The following ETNK1 variants were observed in gnomAD, a reference collection of about 807,000 sequenced individuals.
ETNK1 encodes putative protein product of Nbla10396.
A neutral mutation model predicts 45.1 loss-of-function variants in ETNK1; 8 were observed. The observed-to-expected ratio is 0.18, with a 90% confidence interval of 0.10 to 0.32. The LOEUF (loss-of-function observed/expected upper bound fraction) is 0.32, where lower values mean the gene tolerates loss of function less well. Ranked by LOEUF, ETNK1 falls within the 10% of genes least tolerant of loss-of-function variation. The pLI is 1.00. For missense variants in ETNK1, 302 were observed against 430.6 expected (o/e 0.70, Z 2.64); for synonymous variants, 152 against 151.9 (o/e 1.00, Z -0.01).
intron 4 of ETNK1, 38 bp downstream of exon 4, chr12:22,661,243 C>A (rs1190603661): frequency 7.2e-6 from 11 of 1,535,054 alleles, no homozygotes; most frequent in Admixed American, 2.2e-5. Context: ...AAATTGATTT[C>A]TTTTATGTTC....
intron 2 of ETNK1, 59 bp from the exon 3 acceptor site, chr12:22,658,955 G>A (rs952986035): frequency 2.0e-6 from 3 of 1,524,814 alleles, no homozygotes; most frequent in East Asian, 2.3e-5. Context: ...ATCTTTGTCA[G>A]GAGACATGAC....
chr12:22,626,382 C>G (rs568216317), intron 1 of ETNK1, among the ~76,000 whole-genome samples: 1 of 152,014 alleles, frequency 6.6e-6, no homozygotes, highest in South Asian at 2.1e-4. Context: ...GTTTCAGGAA[C>G]TAGATACAAA....
chr12:22,633,402 T>C (rs1460688169), intron 1 of ETNK1, among the ~76,000 whole-genome samples: 1 of 152,250 alleles, frequency 6.6e-6, no homozygotes, highest in East Asian at 1.9e-4. Flanking sequence ...TGTCCGTTAC[T>C]GTAGCAGTAC....
At chr12:22,660,668 G>A (rs534351092) in intron 3 of ETNK1, among the ~76,000 whole-genome samples, 78 of 151,976 alleles carry the variant, frequency 5.1e-4, no homozygotes, top group African/African-American at 1.8e-3. Flanking sequence ...AATAATTTTT[G>A]TAACTTTAAA....
intron 2 of ETNK1, among the ~76,000 whole-genome samples, chr12:22,646,527 GGTTA>G (rs1421325107): frequency 1.3e-5 from 2 of 151,636 alleles, no homozygotes; most frequent in Admixed American, 6.6e-5. Context: ...GACAATTTGG[GGTTA>G]GTTGTCACAT....
intron 1 of ETNK1, among the ~76,000 whole-genome samples, chr12:22,626,508 A>G (rs929008418): frequency 6.6e-6 from 1 of 152,212 alleles, no homozygotes; most frequent in Non-Finnish European, 1.5e-5. Context: ...ATTCATTTGA[A>G]TTAGCCAAAT....
At chr12:22,630,600 GTATTTTATTT>G (rs570903990) in intron 1 of ETNK1, among the ~76,000 whole-genome samples, 37 of 152,052 alleles carry the variant, frequency 2.4e-4, no homozygotes, top group South Asian at 6.2e-4. Context: ...TTTTCTTTTT[GTATTTTATTT>G]TATTTTATTT....
At chr12:22,678,880 T>C (rs1954186916) in intron 6 of ETNK1, among the ~76,000 whole-genome samples, 1 of 152,214 alleles carries the variant, frequency 6.6e-6, no homozygotes, top group Admixed American at 6.5e-5. Flanking sequence ...ACAGACTAAG[T>C]GTTCAGAATG....
At chr12:22,671,944 A>AT (rs993601675) in intron 5 of ETNK1, among the ~76,000 whole-genome samples, 4 of 151,102 alleles carry the variant, frequency 2.6e-5, no homozygotes, top group Non-Finnish European at 5.9e-5. Context: ...ATCTTACCTC[A>AT]TTTTTTTCTC....
At chr12:22,666,827 A>G (rs1382285603) in intron 4 of ETNK1, among the ~76,000 whole-genome samples, 1 of 152,180 alleles carries the variant, frequency 6.6e-6, no homozygotes, top group Non-Finnish European at 1.5e-5. Flanking sequence ...TAAATAGAAA[A>G]TGGGTGAGTC....
At chr12:22,654,384 G>A (rs1953914995) in intron 2 of ETNK1, among the ~76,000 whole-genome samples, 1 of 152,146 alleles carries the variant, frequency 6.6e-6, no homozygotes, top group Non-Finnish European at 1.5e-5. Flanking sequence ...CAAAGAATAG[G>A]CAGTATTTTA....
At chr12:22,655,554 C>G (rs1330110167) in intron 2 of ETNK1, among the ~76,000 whole-genome samples, 1 of 152,156 alleles carries the variant, frequency 6.6e-6, no homozygotes, top group Non-Finnish European at 1.5e-5. Flanking sequence ...CCAGGCTGGT[C>G]TTGAACTCCT....
chr12:22,642,413 C>T (rs992464019), intron 1 of ETNK1, among the ~76,000 whole-genome samples: 1 of 151,714 alleles, frequency 6.6e-6, no homozygotes, highest in African/African-American at 2.4e-5. Flanking sequence ...TTTTTGAAAT[C>T]TAGGTGGAAG....
At chr12:22,661,900 T>A (rs569939451) in intron 4 of ETNK1, among the ~76,000 whole-genome samples, 1 of 152,326 alleles carries the variant, frequency 6.6e-6, no homozygotes, top group South Asian at 2.1e-4. Flanking sequence ...TTGTATTATA[T>A]TACTGGGTGA....
chr12:22,670,056 AT>A (rs1475148151), intron 4 of ETNK1, among the ~76,000 whole-genome samples: 1 of 152,116 alleles, frequency 6.6e-6, no homozygotes, highest in Non-Finnish European at 1.5e-5. Context: ...TTGCCATGAC[AT>A]TTTTTGTCAC....
Position 22,689,380 on chromosome 12 carries a change from T to G in ETNK1, c.*4426T>G. ...TACTGATGTAATAAAAGAGCAGGGT[T>G]AAAAATATTGTATCTGTATTCATTG... is the stretch of plus-strand genomic sequence containing the variant. On this transcript the variant is annotated 3_prime_UTR_variant, in exon 8 of 8. Transcript: ENST00000266517. 6.6e-6 allele frequency: 1 copy of G among 151,972 alleles called. No homozygotes were observed. Among genetic ancestry groups the G allele is most frequent in the Non-Finnish European group, 1.5e-5 (1 of 67,830 alleles). 9.4% of individuals were successfully genotyped at this position (151,972 alleles called of 1,614,324 possible).
At chr12:22,656,287 C>T in intron 2 of ETNK1, 1 of 380,776 alleles carries the variant, frequency 2.6e-6, no homozygotes, top group Non-Finnish European at 3.6e-6. Context: ...GACCATATTG[C>T]AGCATGATTC....
chr12:22,664,477 C>G (rs1288544689), intron 4 of ETNK1, among the ~76,000 whole-genome samples: 2 of 151,914 alleles, frequency 1.3e-5, no homozygotes, highest in Non-Finnish European at 2.9e-5. Context: ...TATTTATACA[C>G]AAGGCACACA....
At chr12:22,641,263 A>G (rs1953732753) in intron 1 of ETNK1, among the ~76,000 whole-genome samples, 1 of 152,116 alleles carries the variant, frequency 6.6e-6, no homozygotes, top group Non-Finnish European at 1.5e-5. Context: ...GGTGTCAGGA[A>G]GGAGGTGGGA....
Sources: gnomAD v4.1 joint callset for allele counts (sites outside exome capture counted in the v4.1 genomes callset) on GRCh38, gnomAD v4.1.1 for gene constraint, MANE v1.5 for transcripts, NCBI Gene and HGNC (gene_info 2026-07-23, HGNC 2026-07-21) for gene names.